The following ZSWIM5 variants were observed in gnomAD, a reference collection of about 807,000 sequenced individuals.
ZSWIM5 encodes the protein zinc finger SWIM domain-containing protein 5.
A neutral mutation model predicts 119.6 loss-of-function variants in ZSWIM5; 55 were observed. The observed-to-expected ratio is 0.46, with a 90% confidence interval of 0.37 to 0.58. The LOEUF is 0.58. Ranked by LOEUF, ZSWIM5 falls within the 20% of genes least tolerant of loss-of-function variation. The pLI is 0.00. For missense variants in ZSWIM5, 1,193 were observed against 1,512.8 expected, an observed-to-expected ratio of 0.79 and a Z score of 3.51; for synonymous variants, 537 against 606.9, an observed-to-expected ratio of 0.88 and a Z score of 1.69.
intron 1 of ZSWIM5, among the ~76,000 whole-genome samples, chr1:45,128,697 T>C (rs1438720676): frequency 6.6e-6 from 1 of 152,238 alleles, no homozygotes; most frequent in Non-Finnish European, 1.5e-5. Context: ...GTTTGATAAA[T>C]GCATAATGCC....
chr1:45,070,155 A>C, intron 2 of ZSWIM5: 1 of 1,218,456 alleles, frequency 8.2e-7, no homozygotes, highest in Non-Finnish European at 1.2e-6. Flanking sequence ...TGTAAACAGG[A>C]AGCTGGATGC....
intron 6 of ZSWIM5, among the ~76,000 whole-genome samples, chr1:45,042,520 A>G (rs975302156): frequency 6.6e-6 from 1 of 152,204 alleles, no homozygotes; most frequent in African/African-American, 2.4e-5. Context: ...ATTCAGCAAA[A>G]TCTTGAGCAA....
In ZSWIM5 at chr1:45,017,234, A is replaced by G. The variant is rs1644859629; in HGVS notation, c.*1220T>C. 1 of 152,248 alleles carries G rather than the reference A, an allele frequency of 6.6e-6. No homozygotes were observed. The highest frequency in any genetic ancestry group is 1.5e-5 in the Non-Finnish European group (1 of 68,046). 9.4% of individuals were successfully genotyped at this position (152,248 alleles called of 1,614,324 possible). ...TTGATGCAGATCCTCAAACATGAAT[A>G]CACAGACATCCCTACATGTAGAAAT... On this transcript the variant is annotated 3_prime_UTR_variant, in exon 14 of 14. Transcript: ENST00000359600.
rs933663700 is a variant in ZSWIM5, at chr1:45,116,891, A to G, written c.596-28654T>C. 4.6e-5 allele frequency among the ~76,000 whole-genome samples: 7 copies of G among 152,232 alleles called. No homozygotes were observed. The South Asian group carries it at 6.2e-4, about 13-fold the overall frequency. ...CCTGTCCATACCCATCTTGGATAAG[A>G]GAGGAAGAACACAGATAAAAAACAC... On this transcript the variant is annotated intron_variant, in intron 1 of 13. Transcript: ENST00000359600.
intron 1 of ZSWIM5, among the ~76,000 whole-genome samples, chr1:45,103,522 T>C (rs1404777231): frequency 6.6e-6 from 1 of 152,188 alleles, no homozygotes. Context: ...ATATATTAAA[T>C]ATGACTCTGA....
At chr1:45,164,438 T>C (rs1395586930) in intron 1 of ZSWIM5, among the ~76,000 whole-genome samples, 1 of 151,996 alleles carries the variant, frequency 6.6e-6, no homozygotes, top group African/African-American at 2.4e-5. Context: ...CCAGCTAACA[T>C]CATAATGACA....
intron 4 of ZSWIM5, among the ~76,000 whole-genome samples, chr1:45,055,136 G>A (rs1430061967): frequency 5.9e-5 from 9 of 152,078 alleles, no homozygotes; most frequent in African/African-American, 1.7e-4. Flanking sequence ...GACTACAGGC[G>A]CCCACCACCA....
At chr1:45,172,800 G>A (rs1645954252) in intron 1 of ZSWIM5, among the ~76,000 whole-genome samples, 1 of 152,102 alleles carries the variant, frequency 6.6e-6, no homozygotes, top group Non-Finnish European at 1.5e-5. Context: ...CATATATTTA[G>A]TTTATAATTA....
At chr1:45,048,080 CTCTTT>C (rs1645067376) in intron 5 of ZSWIM5, among the ~76,000 whole-genome samples, 1 of 4,262 alleles carries the variant, frequency 2.3e-4, no homozygotes. Flanking sequence ...CTTTTCTTTT[CTCTTT>C]TTTTTTTTTT....
At chr1:45,029,336 G>A (rs1167227228) in intron 11 of ZSWIM5, among the ~76,000 whole-genome samples, 1 of 152,128 alleles carries the variant, frequency 6.6e-6, no homozygotes, top group Admixed American at 6.5e-5. Context: ...TAGTTATTTT[G>A]TAGTATGTCC....
chr1:45,025,284 T>C (rs1225635014), intron 11 of ZSWIM5, among the ~76,000 whole-genome samples: 1 of 152,222 alleles, frequency 6.6e-6, no homozygotes, highest in East Asian at 1.9e-4. Context: ...TTCTTCAATA[T>C]TATGTTGGCT....
At chr1:45,172,999 AC>A (rs1225400173) in intron 1 of ZSWIM5, among the ~76,000 whole-genome samples, 6 of 152,012 alleles carry the variant, frequency 3.9e-5, no homozygotes, top group South Asian at 2.1e-4. Context: ...CCCAGTCTCT[AC>A]AAAAAATAAA....
chr1:45,084,937 C>A (rs972772096), intron 2 of ZSWIM5, among the ~76,000 whole-genome samples: 10 of 152,268 alleles, frequency 6.6e-5, no homozygotes, highest in African/African-American at 2.4e-4. Context: ...GTAGGCAGTG[C>A]TCCAGTGGGG....
At chr1:45,179,621 C>T (rs940930517) in intron 1 of ZSWIM5, among the ~76,000 whole-genome samples, 5 of 152,110 alleles carry the variant, frequency 3.3e-5, no homozygotes, top group Non-Finnish European at 7.4e-5. Flanking sequence ...AAAGATAAAA[C>T]TTCAACAAAA....
intron 1 of ZSWIM5, among the ~76,000 whole-genome samples, chr1:45,089,060 A>C (rs4415614): frequency 6.6e-6 from 1 of 152,144 alleles, no homozygotes; most frequent in Non-Finnish European, 1.5e-5. Context: ...CCTGGGCTCA[A>C]GTGATCCTCC....
rs541999157 is a variant in ZSWIM5 at position 45,045,171 on chromosome 1, G to A, written c.1433-1776C>T. ...GGGTGGTATGTAGGAGGACCAAATG[G>A]AAGATATCTTGCCACAAACCACAGA... On this transcript the variant is annotated intron_variant, in intron 5 of 13. Coordinates refer to ENST00000359600, the MANE Select transcript of ZSWIM5 (RefSeq NM_020883.2). Among the ~76,000 whole-genome samples the A allele has an allele frequency of 3.2e-3, 490 of 152,060 alleles. 1 individual carries two copies. Among genetic ancestry groups the A allele is most frequent in the Admixed American group, 6.4e-3 (98 of 15,262 alleles).
intron 1 of ZSWIM5, among the ~76,000 whole-genome samples, chr1:45,134,269 A>ATTTT (rs1290157142): frequency 4.6e-5 from 7 of 152,162 alleles, no homozygotes; most frequent in Non-Finnish European, 1.0e-4. Flanking sequence ...CTAGAAGCAA[A>ATTTT]ACTAGTGAAA....
At chr1:45,049,424 T>C (rs1479890252) in intron 5 of ZSWIM5, among the ~76,000 whole-genome samples, 2 of 152,182 alleles carry the variant, frequency 1.3e-5, no homozygotes, top group African/African-American at 2.4e-5. Context: ...CACATCCTGA[T>C]TGATGTCATT....
chr1:45,128,050 A>G lies in ZSWIM5; in HGVS notation c.596-39813T>C, dbSNP rs564979215. Among the ~76,000 whole-genome samples the G allele has an allele frequency of 5.9e-5, 9 of 152,330 alleles. No individual in the cohort carries two copies. The South Asian group carries it at 6.2e-4, about 11-fold the overall frequency. ...GAAGACTCAATATAGTAAAAATGTC[A>G]ATTCTTTCTAAATGCCATTAATGTA... On this transcript the variant is annotated intron_variant, in intron 1 of 13. Coordinates refer to ENST00000359600, the MANE Select transcript of ZSWIM5 (RefSeq NM_020883.2).
Sources: gnomAD v4.1 joint callset for allele counts (sites outside exome capture counted in the v4.1 genomes callset) on GRCh38, gnomAD v4.1.1 for gene constraint, MANE v1.5 for transcripts, NCBI Gene and HGNC (gene_info 2026-07-23, HGNC 2026-07-21) for gene names.